Variants in ZNF75D observed in about 807,000 individuals in gnomAD.
ZNF75D encodes zinc finger protein 75D, also known as zinc finger protein 75.
In ZNF75D, 33 loss-of-function variants were observed where a neutral mutation model predicts 33.3. The ratio of observed to expected loss-of-function variants is 0.99; its 90% confidence interval spans 0.75 to 1.32. The LOEUF is 1.32. Ranked by LOEUF, ZNF75D falls within the 40% of genes most tolerant of loss-of-function variation. ZNF75D has a pLI of 0.00. For missense variants in ZNF75D, 338 were observed against 367.5 expected (o/e 0.92, Z 0.66); for synonymous variants, 113 against 130.6 (o/e 0.87, Z 0.92).
At chrX:135,267,200 A>T (rs2083866294) in intron 1 of ZNF75D, among the ~76,000 whole-genome samples, 1 of 111,924 alleles carries the variant, frequency 8.9e-6, no homozygotes. Context: ...GATGCATCTT[A>T]AAGAACTAGA....
chrX:135,287,842 T>G lies in ZNF75D; in HGVS notation c.828A>C (p.Leu276Phe). The G allele has an allele frequency of 8.4e-7, 1 of 1,185,772 alleles. No homozygotes were observed. Among genetic ancestry groups the G allele is most frequent in the Non-Finnish European group, 1.1e-6 (1 of 875,672 alleles). The change falls in exon 7 of 7, where the codon TTA becomes TTC. Residue 276 changes from leucine (L) to phenylalanine (F), a missense_variant. Physicochemically the swap from Leu to Phe is conservative, Grantham distance 22. Coordinates refer to ENST00000370766, the MANE Select transcript of ZNF75D (RefSeq NM_007131.5). ...CATTTCCAGTGTCATTTTTTAGCTT[T>G]AACCCTGTTAGAATAAACAGAATAA... ...DIYETVISLG[L>F]KLKNDTGNDH...
At chrX:135,284,035 C>A (rs2083931029), downstream of ZNF75D, among the ~76,000 whole-genome samples, 3 of 111,923 alleles carry the variant, frequency 2.7e-5, no homozygotes, top group Non-Finnish European at 5.6e-5. Context: ...CTGCTCAGCT[C>A]ATCTTCTCTG....
intron 1 of ZNF75D, among the ~76,000 whole-genome samples, chrX:135,256,849 A>C (rs2083803990): frequency 8.9e-6 from 1 of 112,259 alleles, no homozygotes; most frequent in South Asian, 3.7e-4. Context: ...GCTGAATCAC[A>C]GTAGAATAGG....
intron 1 of ZNF75D, among the ~76,000 whole-genome samples, chrX:135,329,875 A>G (rs2084630397): frequency 8.9e-6 from 1 of 112,294 alleles, no homozygotes. Context: ...ACACTATTAT[A>G]CCATTATTTC....
At chrX:135,279,110 G>C (rs1026470043) in intron 1 of ZNF75D, among the ~76,000 whole-genome samples, 1 of 111,650 alleles carries the variant, frequency 9.0e-6, no homozygotes, top group Admixed American at 9.5e-5. Flanking sequence ...CTGTGAATCT[G>C]TCTGGTCCTG....
At chrX:135,277,502 T>C (rs1359868755) in intron 1 of ZNF75D, among the ~76,000 whole-genome samples, 1 of 112,630 alleles carries the variant, frequency 8.9e-6, no homozygotes, top group Non-Finnish European at 1.9e-5. Flanking sequence ...TTAGATCACA[T>C]TTGTCAATTT....
chrX:135,325,887 AG>A (rs1395666834), intron 1 of ZNF75D, among the ~76,000 whole-genome samples: 1 of 112,710 alleles, frequency 8.9e-6, no homozygotes, highest in Non-Finnish European at 1.9e-5. Context: ...GCCCCGGTGC[AG>A]GATCCACTGG....
At chrX:135,295,510 A>G (rs1556422632) in intron 2 of ZNF75D, among the ~76,000 whole-genome samples, 1 of 112,044 alleles carries the variant, frequency 8.9e-6, no homozygotes, top group Non-Finnish European at 1.9e-5. Context: ...TCCGGTAGAA[A>G]GAAGTTGCTT....
At chrX:135,301,888 G>A (rs2084222045) in intron 1 of ZNF75D, among the ~76,000 whole-genome samples, 1 of 112,446 alleles carries the variant, frequency 8.9e-6, no homozygotes, top group Non-Finnish European at 1.9e-5. Context: ...GGTTCTCCAT[G>A]AGGGCTCTGC....
At chrX:135,264,374 C>T (rs995013121) in intron 1 of ZNF75D, among the ~76,000 whole-genome samples, 1 of 111,504 alleles carries the variant, frequency 9.0e-6, no homozygotes, top group Non-Finnish European at 1.9e-5. Flanking sequence ...CGTGTGGGTG[C>T]GGCCACAGAG....
intron 1 of ZNF75D, among the ~76,000 whole-genome samples, chrX:135,265,179 A>T (rs1230319124): frequency 9.2e-6 from 1 of 109,236 alleles, no homozygotes; most frequent in Non-Finnish European, 1.9e-5. Context: ...AGTTCACGCC[A>T]TTACACTCTA....
chrX:135,321,230 G>A (rs1437999496), intron 1 of ZNF75D, among the ~76,000 whole-genome samples: 1 of 111,631 alleles, frequency 9.0e-6, no homozygotes. Context: ...CATCCATGAA[G>A]ATGGAACTCT....
chrX:135,289,353 A>T (rs2084002288), intron 6 of ZNF75D, among the ~76,000 whole-genome samples: 1 of 112,303 alleles, frequency 8.9e-6, no homozygotes, highest in South Asian at 3.7e-4. Flanking sequence ...GTGGTGGCTC[A>T]TGCCTGTAAT....
At chrX:135,336,364 A>C (rs781834779) in intron 1 of ZNF75D, among the ~76,000 whole-genome samples, 14 of 113,114 alleles carry the variant, frequency 1.2e-4, no homozygotes, top group Non-Finnish European at 2.4e-4. Flanking sequence ...ATAGCAGCCC[A>C]AATAGACAAA....
chrX:135,284,356 G>A (rs1369737979), downstream of ZNF75D, among the ~76,000 whole-genome samples: 17 of 111,524 alleles, frequency 1.5e-4, no homozygotes, highest in Non-Finnish European at 7.5e-5. Context: ...ATATCTCCAT[G>A]GACATACATT....
intron 1 of ZNF75D, among the ~76,000 whole-genome samples, chrX:135,310,354 A>G (rs1479496254): frequency 8.9e-6 from 1 of 111,934 alleles, no homozygotes; most frequent in African/African-American, 3.3e-5. Context: ...GTCCCTAAGA[A>G]ATATCCTGAG....
At chrX:135,329,629 A>G (rs1251156243) in intron 1 of ZNF75D, among the ~76,000 whole-genome samples, 4 of 112,314 alleles carry the variant, frequency 3.6e-5, no homozygotes, top group African/African-American at 1.3e-4. Flanking sequence ...ATCTATTAAC[A>G]ATAGGAATTC....
At chrX:135,289,635 C>G (rs12008657) in intron 6 of ZNF75D, among the ~76,000 whole-genome samples, 10 of 21,432 alleles carry the variant, frequency 4.7e-4, no homozygotes, top group Non-Finnish European at 1.3e-3. Flanking sequence ...CAGACACACA[C>G]ACACACACAC....
chrX:135,325,088 G>T (rs2084544496), intron 1 of ZNF75D, among the ~76,000 whole-genome samples: 1 of 110,249 alleles, frequency 9.1e-6, no homozygotes, highest in African/African-American at 3.3e-5. Context: ...ACACTTTCAA[G>T]GAAATGTATA....
Sources: gnomAD v4.1 joint callset for allele counts (sites outside exome capture counted in the v4.1 genomes callset) on GRCh38, gnomAD v4.1.1 for gene constraint, MANE v1.5 for transcripts, NCBI Gene and HGNC (gene_info 2026-07-23, HGNC 2026-07-21) for gene names.